UMAD1: variants seen among roughly 807,000 people sequenced by gnomAD.
UMAD1 encodes UBAP1-MVB12-associated (UMA) domain containing 1, also known as UBAP1-MVB12-associated (UMA)-domain containing protein 1.
Under a neutral mutation model 6.1 loss-of-function variants are expected in UMAD1, and 8 were observed. The ratio of observed to expected loss-of-function variants is 1.30; its 90% CI spans 0.76 to 2.35. The LOEUF is 2.35. UMAD1 is among the 30% of genes most tolerant of loss of function. The pLI is 0.00. For synonymous variants in UMAD1, 56 were observed against 31.4 expected (o/e 1.78, Z -2.61); for missense variants, 130 against 78.4 (o/e 1.66, Z -2.49).
chr7:7,858,321 C>G (rs567175381), intron 3 of UMAD1, among the ~76,000 whole-genome samples: 10 of 152,224 alleles, frequency 6.6e-5, no homozygotes, highest in African/African-American at 2.4e-4. Flanking sequence ...CTTATTTTTA[C>G]CCTCAGGAGT....
chr7:7,829,196 G>C (rs1422013421), intron 3 of UMAD1, among the ~76,000 whole-genome samples: 1 of 152,122 alleles, frequency 6.6e-6, no homozygotes, highest in Non-Finnish European at 1.5e-5. Flanking sequence ...TGGTGATAAG[G>C]ATAAATTATT....
chr7:7,742,063 A>G (rs190243167), intron 2 of UMAD1: 23 of 557,692 alleles, frequency 4.1e-5, no homozygotes, highest in East Asian at 3.8e-4. Flanking sequence ...GGCTTGGTAC[A>G]TCATAGATGT....
intron 2 of UMAD1, among the ~76,000 whole-genome samples, chr7:7,713,281 T>C (rs1583765183): frequency 6.6e-6 from 1 of 151,746 alleles, no homozygotes; most frequent in Non-Finnish European, 1.5e-5. Flanking sequence ...GAGGCGGAGG[T>C]TGTGGTGAGC....
intron 2 of UMAD1, among the ~76,000 whole-genome samples, chr7:7,770,879 C>T (rs1782087269): frequency 6.6e-6 from 1 of 151,872 alleles, no homozygotes. Flanking sequence ...AAGTATGGGG[C>T]ATATGATGTA....
At chr7:7,699,038 G>T (rs939163454) in intron 2 of UMAD1, among the ~76,000 whole-genome samples, 1 of 122,678 alleles carries the variant, frequency 8.2e-6, no homozygotes, top group Non-Finnish European at 1.8e-5. Context: ...TATAGTTTGT[G>T]TGTGTGTGTG....
chr7:7,852,440 T>G (rs1322768551), intron 3 of UMAD1, among the ~76,000 whole-genome samples: 2 of 152,152 alleles, frequency 1.3e-5, no homozygotes, highest in African/African-American at 4.8e-5. Context: ...GCCCCACACC[T>G]CAGACAACAG....
intron 2 of UMAD1, among the ~76,000 whole-genome samples, chr7:7,774,643 C>T (rs931537083): frequency 3.3e-5 from 5 of 152,188 alleles, no homozygotes; most frequent in African/African-American, 1.2e-4. Flanking sequence ...ATTTTACTAA[C>T]ATAGATTCTT....
chr7:7,745,836 G>C (rs1269984726), intron 2 of UMAD1, among the ~76,000 whole-genome samples: 1 of 151,904 alleles, frequency 6.6e-6, no homozygotes, highest in African/African-American at 2.4e-5. Context: ...AGTCTCTCTG[G>C]GCCCTGAAAG....
At chr7:7,733,754 A>G (rs1411292775) in intron 2 of UMAD1, among the ~76,000 whole-genome samples, 1 of 151,558 alleles carries the variant, frequency 6.6e-6, no homozygotes, top group African/African-American at 2.4e-5. Flanking sequence ...TGTGCGTTGT[A>G]TGGGTCTAAA....
chr7:7,755,335 C>A (rs1186276375), intron 2 of UMAD1, among the ~76,000 whole-genome samples: 1 of 152,138 alleles, frequency 6.6e-6, no homozygotes, highest in East Asian at 1.9e-4. Flanking sequence ...GTAATATAAA[C>A]CTTGTTAACT....
intron 2 of UMAD1, among the ~76,000 whole-genome samples, chr7:7,727,907 G>T (rs936191818): frequency 6.6e-6 from 1 of 151,982 alleles, no homozygotes; most frequent in South Asian, 2.1e-4. Flanking sequence ...GTGATTTAAT[G>T]CTCCTTAATA....
intron 2 of UMAD1, among the ~76,000 whole-genome samples, chr7:7,775,005 T>G (rs1782173905): frequency 6.6e-6 from 1 of 152,160 alleles, no homozygotes; most frequent in African/African-American, 2.4e-5. Flanking sequence ...CTTGTTCTTT[T>G]AATCTCCTCT....
At chr7:7,857,646 T>C (rs1784043209) in intron 3 of UMAD1, among the ~76,000 whole-genome samples, 1 of 152,246 alleles carries the variant, frequency 6.6e-6, no homozygotes, top group Non-Finnish European at 1.5e-5. Flanking sequence ...TTAAAATGTA[T>C]TATTCAGGGA....
chr7:7,852,774 C>T (rs991349057), intron 3 of UMAD1, among the ~76,000 whole-genome samples: 5 of 152,312 alleles, frequency 3.3e-5, no homozygotes, highest in African/African-American at 1.2e-4. Context: ...ACCCTGTCCT[C>T]CTAGGCTTTT....
rs528736636 is a variant in UMAD1, at chr7:7,830,668, G to T, written c.156+28925G>T. Among the ~76,000 whole-genome samples, 17 of 152,080 alleles carry T rather than the reference G, an allele frequency of 1.1e-4. 1 individual carries two copies. The highest frequency in any genetic ancestry group is 4.1e-4 in the African/African-American group (17 of 41,482). On this transcript the variant is annotated intron_variant, in intron 3 of 3. Coordinates refer to ENST00000682710, the MANE Select transcript of UMAD1 (RefSeq NM_001302348.2). The surrounding 1 kb of genome is among the most constrained non-coding windows in gnomAD (Gnocchi z 5.3). ...TTGTCCCAGACTTTCTATTTCAATG[G>T]TTTTCTTTATTCTAATGTCAGATAT... is the stretch of plus-strand genomic sequence containing the variant.
chr7:7,761,390 A>T (rs947841005), intron 2 of UMAD1, among the ~76,000 whole-genome samples: 14 of 148,706 alleles, frequency 9.4e-5, no homozygotes, highest in African/African-American at 3.5e-4. Flanking sequence ...CACTTCTTTA[A>T]GACATTTTAC....
chr7:7,701,788 C>T (rs898348790), intron 2 of UMAD1, among the ~76,000 whole-genome samples: 5 of 152,196 alleles, frequency 3.3e-5, no homozygotes, highest in African/African-American at 1.2e-4. Context: ...ATGGTTATTT[C>T]ATGACAAGCC....
intron 2 of UMAD1, among the ~76,000 whole-genome samples, chr7:7,680,524 T>C (rs1482434972): frequency 6.6e-6 from 1 of 152,270 alleles, no homozygotes; most frequent in East Asian, 1.9e-4. Flanking sequence ...CTTCTCTGGG[T>C]CTTTTGTGAT....
At position 7,877,373 on chromosome 7, in the gene UMAD1, CGAGCTCCT is replaced by C; in HGVS notation, c.254_261del (p.Leu85ArgfsTer19). 1 of 717,510 alleles carries C rather than the reference CGAGCTCCT, an allele frequency of 1.4e-6. No homozygotes were observed. The highest frequency in any genetic ancestry group is 2.6e-6 in the Non-Finnish European group (1 of 385,112). The allele number at this position is 717,510 out of a possible 1,614,324, so 44.4% of individuals were successfully genotyped here. A position where few individuals can be genotyped will look rare whatever the true frequency, so the allele number is the denominator to read the frequency against. Reference sequence around the variant, plus strand: ...CTCTGGAGAACAGCTCATTAATGGCCGAGCTCCTGAGCGATGTGCCGTTCACCCTGGCC... The same window carrying C: ...CTCTGGAGAACAGCTCATTAATGGCCGAGCGATGTGCCGTTCACCCTGGCC... On this transcript the variant is annotated frameshift_variant, in exon 4 of 4. Transcript: ENST00000682710. LOFTEE classifies it high-confidence loss of function.
Sources: allele counts gnomAD v4.1 joint callset (sites outside exome capture counted in the v4.1 genomes callset), GRCh38; gene constraint gnomAD v4.1.1; non-coding constraint Gnocchi (gnomAD v3.1); transcripts MANE v1.5; gene names NCBI Gene and HGNC (gene_info 2026-07-23, HGNC 2026-07-21).